Variants in MYO9A observed in about 807,000 individuals in gnomAD.
MYO9A encodes the protein myosin IXA.
In MYO9A, 103 loss-of-function variants were observed where a neutral mutation model predicts 293.3. The ratio of observed to expected loss-of-function variants is 0.35; its 90% CI spans 0.30 to 0.41. The LOEUF is 0.41. Ranked by LOEUF, MYO9A falls within the 10% of genes least tolerant of loss-of-function variation. The pLI is 1.00. For missense variants in MYO9A, 2,685 were observed against 3,033.0 expected, an observed-to-expected ratio of 0.89 and a Z score of 2.69; for synonymous variants, 1,001 against 1,035.7, an observed-to-expected ratio of 0.97 and a Z score of 0.64.
chr15:72,046,381 A>G lies in MYO9A; in HGVS notation c.183T>C (p.Tyr61=), dbSNP rs371946435. The G allele has an allele frequency of 9.4e-5, 152 of 1,614,198 alleles. No homozygotes were observed. Among genetic ancestry groups the G allele is most frequent in the Middle Eastern group, 6.6e-4 (4 of 6,062 alleles). The change falls in exon 2 of 42, where the codon TAT becomes TAC. Residue 61 remains tyrosine, a synonymous_variant. Transcript: ENST00000356056. ...NKLHLDKTKC[Y]VLAEVKEFGG... The stretch of plus-strand genomic sequence containing the variant: ...CAAATTCCTTTACCTCTGCTAGAAC[A>G]TAACATTTTGTTTTGTCAAGATGAA...
chr15:71,932,549 T>C (rs1030924768), intron 18 of MYO9A, among the ~76,000 whole-genome samples: 5 of 151,550 alleles, frequency 3.3e-5, no homozygotes, highest in East Asian at 3.9e-4. Flanking sequence ...TCTTTGCCCA[T>C]TGGCTACTAG....
rs1179319902 is a variant in MYO9A, at chr15:72,022,176, C to T, written c.999-1159G>A. On this transcript the variant is annotated intron_variant, in intron 4 of 41. Transcript: ENST00000356056. ...TAGGAATAAAAGCAACAATCAAACCCTGGGAAGGAGAGGACTCATTTCTAG... is the reference window on the plus strand; with the variant it reads ...TAGGAATAAAAGCAACAATCAAACCTTGGGAAGGAGAGGACTCATTTCTAG... Among the ~76,000 whole-genome samples, 3 of 152,240 alleles carry T rather than the reference C, an allele frequency of 2.0e-5. No homozygotes were observed. In the East Asian group the frequency reaches 5.8e-4, roughly 29 times the overall value.
chr15:71,944,297 T>C (rs892807433), intron 15 of MYO9A, among the ~76,000 whole-genome samples: 1 of 152,154 alleles, frequency 6.6e-6, no homozygotes, highest in Non-Finnish European at 1.5e-5. Flanking sequence ...GGCTGTGGTA[T>C]GTTTTTTGTT....
At chr15:72,106,550 T>C (rs2080575555) in intron 1 of MYO9A, among the ~76,000 whole-genome samples, 1 of 152,212 alleles carries the variant, frequency 6.6e-6, no homozygotes, top group East Asian at 1.9e-4. Context: ...ATGGTTTCTC[T>C]TTCTGAACTA....
chr15:72,104,260 C>T (rs1362920512), intron 1 of MYO9A, among the ~76,000 whole-genome samples: 3 of 152,074 alleles, frequency 2.0e-5, no homozygotes, highest in East Asian at 1.9e-4. Flanking sequence ...GTGTTCTGAG[C>T]GCATTTAAGG....
chr15:71,900,083 T>C (rs984465881), intron 23 of MYO9A, 77 bp from the exon 24 acceptor site: 3 of 1,357,990 alleles, frequency 2.2e-6, no homozygotes, highest in South Asian at 3.0e-5. Flanking sequence ...AGAGAATAAA[T>C]TTCTTATGTC....
Position 71,897,784 on chromosome 15 carries a change from T to A in MYO9A, c.4719A>T (p.Val1573=). Residue 1573 remains valine (V), a synonymous_variant, in exon 25 of 42, where the codon GTA becomes GTT. Transcript: ENST00000356056. The part of the protein sequence containing the change: ...LNTSNKGELN[V]LGSLSLKDAA... ...CATCTTTTAATGATAGGGACCCCAGTACATTAAGTTCTCCCTTATTTGAGG... is the reference window on the plus strand; with the variant it reads ...CATCTTTTAATGATAGGGACCCCAGAACATTAAGTTCTCCCTTATTTGAGG... The A allele has an allele frequency of 6.2e-7, 1 of 1,614,082 alleles. No homozygotes were observed. The highest frequency in any genetic ancestry group is 8.5e-7 in the Non-Finnish European group (1 of 1,180,004).
chr15:71,857,319 CAT>C (rs2055902255), intron 34 of MYO9A, among the ~76,000 whole-genome samples: 1 of 152,006 alleles, frequency 6.6e-6, no homozygotes, highest in South Asian at 2.1e-4. Context: ...GTTTTTGTTT[CAT>C]AGTTATTTTT....
intron 19 of MYO9A, among the ~76,000 whole-genome samples, chr15:71,915,506 G>A (rs983164201): frequency 6.6e-6 from 1 of 150,936 alleles, no homozygotes; most frequent in African/African-American, 2.4e-5. Flanking sequence ...CCCATGGTGA[G>A]AATTACCTAA....
chr15:71,959,963 G>C lies in MYO9A; in HGVS notation c.2120C>G (p.Ala707Gly). The C allele has an allele frequency of 6.2e-7, 1 of 1,613,740 alleles. No individual in the cohort carries two copies. The highest frequency in any genetic ancestry group is 8.5e-7 in the Non-Finnish European group (1 of 1,179,898). The stretch of plus-strand genomic sequence containing the variant: ...GAAAGCAACCATGGCTCTGAAAAAA[G>C]CTCGGAGAATTGCCCATCGGAAAAC... Reference protein sequence around the residue: ...VAVFRWAILRAFFRAMVAFRE... With the variant: ...VAVFRWAILRGFFRAMVAFRE... The change falls in exon 14 of 42, where the codon GCT becomes GGT. Residue 707 changes from alanine to glycine, a missense_variant. Physicochemically the swap from Ala to Gly is moderately conservative, Grantham distance 60. Around this residue, in one of 10 missense-constraint regions of MYO9A, gnomAD observed 201 missense variants for 245.2 expected, o/e 0.82. Coordinates refer to ENST00000356056, the MANE Select transcript of MYO9A (RefSeq NM_006901.4).
At chr15:72,105,664 C>T (rs1596591488) in intron 1 of MYO9A, among the ~76,000 whole-genome samples, 2 of 151,954 alleles carry the variant, frequency 1.3e-5, no homozygotes, top group African/African-American at 4.8e-5. Context: ...TGTGCCACCA[C>T]GCCCAGCTAA....
At chr15:72,072,943 A>G (rs2079240222) in intron 1 of MYO9A, among the ~76,000 whole-genome samples, 1 of 152,222 alleles carries the variant, frequency 6.6e-6, no homozygotes, top group African/African-American at 2.4e-5. Context: ...TTATTATAGC[A>G]CTAGTCACAA....
At chr15:72,077,752 A>AATATATATAT (rs60977581) in intron 1 of MYO9A, among the ~76,000 whole-genome samples, 1 of 72,462 alleles carries the variant, frequency 1.4e-5, no homozygotes, top group African/African-American at 7.8e-5. Context: ...AAAAAAAAAA[A>AATATATATAT]ATATATATAT....
intron 1 of MYO9A, among the ~76,000 whole-genome samples, chr15:72,047,270 T>C (rs1216270985): frequency 2.6e-5 from 4 of 152,200 alleles, no homozygotes; most frequent in Non-Finnish European, 5.9e-5. Flanking sequence ...AAAAGAATCC[T>C]GCCCCTGACT....
chr15:72,103,394 AAGCAGCAGCAAGC>A (rs947432235), intron 1 of MYO9A, among the ~76,000 whole-genome samples: 5 of 148,348 alleles, frequency 3.4e-5, no homozygotes, highest in Non-Finnish European at 7.4e-5. Flanking sequence ...GCAGCAGCAG[AAGCAGCAGCAAGC>A]AGCAAGCAGC....
At chr15:71,943,638 C>T (rs769973057) in intron 15 of MYO9A, among the ~76,000 whole-genome samples, 1 of 152,038 alleles carries the variant, frequency 6.6e-6, no homozygotes, top group South Asian at 2.1e-4. Context: ...AAGAAAGATA[C>T]AAAACATTTC....
intron 4 of MYO9A, among the ~76,000 whole-genome samples, chr15:72,021,881 C>G (rs1458695739): frequency 1.3e-5 from 2 of 152,084 alleles, no homozygotes; most frequent in African/African-American, 4.8e-5. Flanking sequence ...CTCTGGTTAA[C>G]TTTGAAACCC....
chr15:71,837,495 G>C (rs2054990421), intron 39 of MYO9A, among the ~76,000 whole-genome samples: 1 of 152,120 alleles, frequency 6.6e-6, no homozygotes, highest in East Asian at 1.9e-4. Flanking sequence ...AAGCCTCAAG[G>C]AGCTTGAAAA....
chr15:71,973,722 TG>T (rs2076069836), intron 12 of MYO9A, among the ~76,000 whole-genome samples: 3 of 152,336 alleles, frequency 2.0e-5, no homozygotes, highest in Non-Finnish European at 2.9e-5. Context: ...GCCCAATGAA[TG>T]TGTCTGTTAT....
Sources: gnomAD v4.1 joint callset for allele counts (sites outside exome capture counted in the v4.1 genomes callset) on GRCh38, gnomAD v4.1.1 for gene constraint, gnomAD v4.1.1 regional missense constraint, MANE v1.5 for transcripts, NCBI Gene and HGNC (gene_info 2026-07-23, HGNC 2026-07-21) for gene names.